The following LOXHD1 variants were observed in gnomAD, a reference collection of about 807,000 sequenced individuals.
The protein encoded by LOXHD1 is lipoxygenase homology PLAT domains 1, also known as lipoxygenase homology domain-containing protein 1.
A neutral mutation model predicts 248.2 loss-of-function variants in LOXHD1; 205 were observed. That is an observed-to-expected ratio of 0.83 (90% CI 0.74 to 0.93). LOXHD1 has a LOEUF of 0.93. LOXHD1 is among the 40% of genes least tolerant of loss of function. The pLI is 0.00. For synonymous variants in LOXHD1, 1,113 were observed against 1,162.8 expected, an observed-to-expected ratio of 0.96 and a Z score of 0.87; for missense variants, 2,930 against 2,971.6, an observed-to-expected ratio of 0.99 and a Z score of 0.33.
intron 29 of LOXHD1, 69 bp from the exon 30 acceptor site, chr18:46,524,986 T>A: frequency 6.7e-7 from 1 of 1,502,808 alleles, no homozygotes; most frequent in Admixed American, 2.0e-5. Flanking sequence ...AGCCCCACCC[T>A]TCTGGGACCT....
intron 4 of LOXHD1, among the ~76,000 whole-genome samples, chr18:46,620,121 G>A (rs2038647503): frequency 6.6e-6 from 1 of 152,198 alleles, no homozygotes; most frequent in African/African-American, 2.4e-5. Context: ...TTGTTTGTAA[G>A]GACCAGGGAG....
chr18:46,477,568 G>A lies in LOXHD1; in HGVS notation c.6726C>T (p.Thr2242=), dbSNP rs770501543. The A allele has an allele frequency of 2.0e-5, 31 of 1,551,596 alleles. 1 individual carries two copies. Among genetic ancestry groups the A allele is most frequent in the South Asian group, 4.8e-5 (4 of 84,074 alleles). Residue 2242 remains threonine, a synonymous_variant, in exon 41 of 41, where the codon ACC becomes ACT. Transcript: ENST00000642948. ...WLVEKVEVTN[T]STGVATIFNC... Reference sequence around the variant, plus strand: ...TGAAGATGGTGGCCACGCCGGTGCTGGTGTTGGTGACCTCCACCTTCTCCA... The same window carrying A: ...TGAAGATGGTGGCCACGCCGGTGCTAGTGTTGGTGACCTCCACCTTCTCCA...
intron 1 of LOXHD1, among the ~76,000 whole-genome samples, chr18:46,655,688 C>T (rs554995919): frequency 4.7e-4 from 71 of 152,218 alleles, no homozygotes; most frequent in Non-Finnish European, 7.9e-4. Context: ...GGGCCACAGC[C>T]TTCCTGATCT....
chr18:46,560,048 T>TGCCGACCCCC, intron 19 of LOXHD1, 35 bp downstream of exon 19: 7 of 1,226,294 alleles, frequency 5.7e-6, no homozygotes, highest in Non-Finnish European at 7.9e-6. Context: ...GTCTGGCCAC[T>TGCCGACCCCC]CCCTCCCCAC....
At chr18:46,576,112 C>T (rs565044502) in intron 14 of LOXHD1, among the ~76,000 whole-genome samples, 19 of 152,336 alleles carry the variant, frequency 1.2e-4, no homozygotes, top group South Asian at 8.3e-4. Context: ...GTGTGTCATT[C>T]TGGCTTTATT....
intron 37 of LOXHD1, among the ~76,000 whole-genome samples, chr18:46,504,317 G>A (rs1245950985): frequency 6.6e-6 from 1 of 152,096 alleles, no homozygotes; most frequent in Non-Finnish European, 1.5e-5. Context: ...TGTTGCCCAG[G>A]CTAGTCTCAA....
chr18:46,554,979 A>G (rs1038055032), intron 21 of LOXHD1: 2 of 323,600 alleles, frequency 6.2e-6, no homozygotes, highest in African/African-American at 4.3e-5. Flanking sequence ...TCTTGATTTG[A>G]AAAAGGCAAG....
intron 11 of LOXHD1, 21 bp from the exon 12 acceptor site, chr18:46,592,089 G>A: frequency 1.3e-6 from 2 of 1,552,170 alleles, no homozygotes; most frequent in South Asian, 1.2e-5. Flanking sequence ...GTTCTGGGGT[G>A]AGCAAGTTGG....
At chr18:46,632,094 C>A (rs1180350709) in intron 4 of LOXHD1, among the ~76,000 whole-genome samples, 1 of 152,206 alleles carries the variant, frequency 6.6e-6, no homozygotes, top group Non-Finnish European at 1.5e-5. Flanking sequence ...CTTGCCTTGA[C>A]CTTTGTCCCC....
chr18:46,481,017 C>G (rs945532403), intron 40 of LOXHD1, among the ~76,000 whole-genome samples: 2 of 152,014 alleles, frequency 1.3e-5, no homozygotes, highest in Non-Finnish European at 2.9e-5. Context: ...CAGCACACTG[C>G]AAAAGAGGGA....
chr18:46,532,392 CGT>C (rs145332947), intron 28 of LOXHD1, among the ~76,000 whole-genome samples: 4 of 151,992 alleles, frequency 2.6e-5, no homozygotes, highest in African/African-American at 9.7e-5. Flanking sequence ...GAAAAGTGTG[CGT>C]GTGTGTGTGT....
chr18:46,588,263 CA>C (rs1226709268), intron 12 of LOXHD1, among the ~76,000 whole-genome samples: 1 of 151,978 alleles, frequency 6.6e-6, no homozygotes, highest in African/African-American at 2.4e-5. Context: ...GAAAGAAATT[CA>C]AGTTTGTTTG....
At chr18:46,519,974 A>T (rs1370218215) in intron 33 of LOXHD1, among the ~76,000 whole-genome samples, 7 of 152,040 alleles carry the variant, frequency 4.6e-5, no homozygotes, top group Admixed American at 4.6e-4. Flanking sequence ...GCTCCAAGGG[A>T]GCTGCAGCTG....
intron 37 of LOXHD1, among the ~76,000 whole-genome samples, chr18:46,502,448 C>T (rs1191643180): frequency 3.9e-5 from 6 of 152,102 alleles, no homozygotes; most frequent in African/African-American, 9.7e-5. Flanking sequence ...ATCTTGGATC[C>T]GCAACTCTCT....
chr18:46,479,773 A>C (rs374684261), intron 40 of LOXHD1, among the ~76,000 whole-genome samples: 2 of 151,332 alleles, frequency 1.3e-5, no homozygotes, highest in African/African-American at 4.9e-5. Context: ...GAAAAAAAAA[A>C]AAACAAAAAA....
chr18:46,636,153 A>G lies in LOXHD1; in HGVS notation c.511+3463T>C, dbSNP rs117008421. Among the ~76,000 whole-genome samples the G allele has an allele frequency of 3.8e-3, 575 of 152,320 alleles. 27 individuals carry two copies. In the East Asian group the frequency reaches 0.09, roughly 24 times the overall value. ...CCTTGAAACCTCCTGTCTGTCTTTC[A>G]TCATCTCTACCTTCTACCCAGTGGA... On this transcript the variant is annotated intron_variant, in intron 4 of 40. Transcript: ENST00000642948.
chr18:46,646,327 GT>G, intron 2 of LOXHD1, among the ~76,000 whole-genome samples: 1 of 152,288 alleles, frequency 6.6e-6, no homozygotes, highest in East Asian at 1.9e-4. Flanking sequence ...TATGTTCTGG[GT>G]TGCATGGGCA....
intron 4 of LOXHD1, among the ~76,000 whole-genome samples, chr18:46,628,261 TC>T (rs777638152): frequency 1.2e-4 from 18 of 152,190 alleles, no homozygotes; most frequent in Non-Finnish European, 2.4e-4. Flanking sequence ...GTTCTCTTCT[TC>T]CCCCTCTTTC....
At position 46,538,237 on chromosome 18, in the gene LOXHD1, G is replaced by A. The variant is rs750565449; in HGVS notation, c.4014C>T (p.Thr1338=). ...IIIYGCDAVC[T]QQKYLCTNKR... ...TGTTGGTACACAGATACTTCTGCTG[G>A]GTGCACACGGCATCGCAGCCATAGA... is the stretch of plus-strand genomic sequence containing the variant. Residue 1338 remains threonine (T), a synonymous_variant, in exon 26 of 41, where the codon ACC becomes ACT. Transcript: ENST00000642948. 6.4e-7 allele frequency: 1 copy of A among 1,550,652 alleles called. No homozygotes were observed.
Sources: allele counts gnomAD v4.1 joint callset (sites outside exome capture counted in the v4.1 genomes callset), GRCh38; gene constraint gnomAD v4.1.1; transcripts MANE v1.5; gene names NCBI Gene and HGNC (gene_info 2026-07-23, HGNC 2026-07-21).